Variants in NDST3 observed in about 807,000 individuals in gnomAD.
NDST3 encodes the protein N-deacetylase and N-sulfotransferase 3.
A neutral mutation model predicts 96.1 loss-of-function variants in NDST3; 58 were observed. The observed-to-expected ratio is 0.60, with a 90% CI of 0.49 to 0.75. The LOEUF is 0.75. Among genes scored for constraint, NDST3 ranks in the 30% least tolerant of loss-of-function variants. The pLI, the probability that NDST3 is intolerant of heterozygous loss-of-function variation, is 0.00. For missense variants in NDST3, 788 were observed against 1,034.2 expected (o/e 0.76, Z 3.27); for synonymous variants, 333 against 359.7 (o/e 0.93, Z 0.84).
At chr4:118,252,872 C>A (rs1741842335) in intron 12 of NDST3, among the ~76,000 whole-genome samples, 2 of 151,904 alleles carry the variant, frequency 1.3e-5, no homozygotes, top group Non-Finnish European at 2.9e-5. Context: ...GCCTGGGCAA[C>A]AAGACCAAGA....
intron 1 of NDST3, among the ~76,000 whole-genome samples, chr4:118,040,734 G>A (rs1724396337): frequency 6.6e-6 from 1 of 151,214 alleles, no homozygotes; most frequent in Non-Finnish European, 1.5e-5. Context: ...CCAGGCTGGA[G>A]GGCAGTGGTG....
At chr4:118,050,760 G>A (rs1725030200) in intron 1 of NDST3, among the ~76,000 whole-genome samples, 1 of 152,000 alleles carries the variant, frequency 6.6e-6, no homozygotes, top group African/African-American at 2.4e-5. Flanking sequence ...TCATGCTCAT[G>A]GATTAGAAGA....
intron 6 of NDST3, among the ~76,000 whole-genome samples, chr4:118,221,596 T>C (rs1440301744): frequency 6.6e-6 from 1 of 152,014 alleles, no homozygotes; most frequent in Non-Finnish European, 1.5e-5. Flanking sequence ...CTAGAAAGTA[T>C]AGATAAAGCT....
chr4:118,187,887 T>C (rs1391703011), intron 6 of NDST3, among the ~76,000 whole-genome samples: 1 of 152,146 alleles, frequency 6.6e-6, no homozygotes, highest in African/African-American at 2.4e-5. Context: ...TCCCAAAGTT[T>C]TGCTGCAGTG....
chr4:118,062,793 C>T (rs1372729043), intron 2 of NDST3, among the ~76,000 whole-genome samples: 1 of 152,028 alleles, frequency 6.6e-6, no homozygotes, highest in East Asian at 1.9e-4. Flanking sequence ...TATGCAATGA[C>T]GTTCTAAAAG....
intron 6 of NDST3, among the ~76,000 whole-genome samples, chr4:118,163,081 C>A (rs1735290102): frequency 6.6e-6 from 1 of 152,158 alleles, no homozygotes; most frequent in Admixed American, 6.5e-5. Flanking sequence ...GAATGGCAGT[C>A]ATTCAAAAGT....
At chr4:118,116,383 T>C (rs951064277) in intron 4 of NDST3, among the ~76,000 whole-genome samples, 7 of 152,194 alleles carry the variant, frequency 4.6e-5, no homozygotes, top group African/African-American at 1.4e-4. Context: ...TTGTTGTTGT[T>C]GCTGTTTTGA....
rs778939851 is a variant in NDST3 at position 118,143,617 on chromosome 4, G to C, written c.1472G>C (p.Gly491Ala). 2 of 1,610,188 alleles carry C rather than the reference G, an allele frequency of 1.2e-6. No homozygotes were observed. The highest frequency in any genetic ancestry group is 2.2e-5 in the South Asian group (2 of 90,068). Residue 491 changes from glycine (G) to alanine (A), a missense_variant, in exon 6 of 14, where the codon GGG becomes GCG. Gly to Ala is a moderately conservative substitution (Grantham distance 60). Coordinates refer to ENST00000296499, the MANE Select transcript of NDST3 (RefSeq NM_004784.3). ...THTIFYKEYP[G>A]GPKELDKSIQ... ...ACCATTTTCTACAAAGAATATCCAG[G>C]GGGTCCTAAAGAGCTGGATAAGAGT...
At chr4:118,253,341 T>C (rs1419975224) in intron 12 of NDST3, among the ~76,000 whole-genome samples, 158 bp from the exon 13 acceptor site, 2 of 152,170 alleles carry the variant, frequency 1.3e-5, no homozygotes, top group Admixed American at 1.3e-4. Context: ...TGCAAAGGAA[T>C]ATAGTAAAAA....
At chr4:118,166,315 A>G (rs2086388106) in intron 6 of NDST3, among the ~76,000 whole-genome samples, 1 of 151,966 alleles carries the variant, frequency 6.6e-6, no homozygotes, top group South Asian at 2.1e-4. Flanking sequence ...AAAAATGGAT[A>G]TATTTCTAAA....
At chr4:118,053,717 C>A in intron 1 of NDST3, 39 bp from the exon 2 acceptor site, 1 of 565,860 alleles carries the variant, frequency 1.8e-6, no homozygotes, top group Non-Finnish European at 2.9e-6. Flanking sequence ...TATTTTAATG[C>A]TGCAAACTGA....
chr4:118,063,189 T>TA (rs11299569), intron 2 of NDST3, among the ~76,000 whole-genome samples: 12 of 143,842 alleles, frequency 8.3e-5, no homozygotes, highest in African/African-American at 1.3e-4. Flanking sequence ...AAACTCCGTT[T>TA]AAAAAAAAAA....
intron 10 of NDST3, among the ~76,000 whole-genome samples, 160 bp from the exon 11 acceptor site, chr4:118,240,364 C>T (rs555478120): frequency 6.6e-6 from 1 of 152,160 alleles, no homozygotes; most frequent in Non-Finnish European, 1.5e-5. Context: ...AATCCTGATG[C>T]TCCAAGCAAA....
At chr4:118,163,251 G>C (rs1395292941) in intron 6 of NDST3, among the ~76,000 whole-genome samples, 1 of 152,112 alleles carries the variant, frequency 6.6e-6, no homozygotes, top group Non-Finnish European at 1.5e-5. Context: ...CCATTACTGG[G>C]TATATACCCA....
chr4:118,172,581 T>C (rs1411524334), intron 6 of NDST3, among the ~76,000 whole-genome samples: 1 of 152,144 alleles, frequency 6.6e-6, no homozygotes, highest in Non-Finnish European at 1.5e-5. Flanking sequence ...CAAAATGTCA[T>C]TAAAATAACA....
chr4:118,136,290 G>C (rs777777999), intron 4 of NDST3, among the ~76,000 whole-genome samples: 4 of 152,144 alleles, frequency 2.6e-5, no homozygotes, highest in Non-Finnish European at 4.4e-5. Context: ...ACAACCACCA[G>C]AAATAATAAA....
At chr4:118,240,794 T>C in intron 11 of NDST3, 100 bp downstream of exon 11, 7 of 1,140,378 alleles carry the variant, frequency 6.1e-6, no homozygotes, top group Non-Finnish European at 8.6e-6. Context: ...TATTACTAGT[T>C]TTTCCTCTTT....
chr4:118,123,855 A>C (rs370146873), intron 4 of NDST3, among the ~76,000 whole-genome samples: 1 of 152,112 alleles, frequency 6.6e-6, no homozygotes, highest in East Asian at 1.9e-4. Context: ...CTCTCCCCCA[A>C]ATATTTCTTT....
intron 12 of NDST3, among the ~76,000 whole-genome samples, chr4:118,243,809 G>A (rs1741146431): frequency 6.6e-6 from 1 of 152,162 alleles, no homozygotes; most frequent in South Asian, 2.1e-4. Flanking sequence ...TGCATGCTGT[G>A]TATTTGTCCC....
Sources: allele counts gnomAD v4.1 joint callset (sites outside exome capture counted in the v4.1 genomes callset), GRCh38; gene constraint gnomAD v4.1.1; transcripts MANE v1.5; gene names NCBI Gene and HGNC (gene_info 2026-07-23, HGNC 2026-07-21).